DNA2: variants seen among roughly 807,000 people sequenced by gnomAD.
The protein encoded by DNA2 is DNA replication helicase/nuclease 2.
In DNA2, 101 loss-of-function variants were observed where a neutral mutation model predicts 119.1. The observed-to-expected ratio is 0.85, with a 90% CI of 0.72 to 1.00. DNA2 has a LOEUF of 1.00. DNA2 is among the 50% of genes least tolerant of loss of function. DNA2 has a pLI of 0.00. For synonymous variants in DNA2, 366 were observed against 424.4 expected (o/e 0.86, Z 1.69); for missense variants, 1,121 against 1,255.5 (o/e 0.89, Z 1.62).
chr10:68,428,665 A>G (rs1231818644), intron 14 of DNA2, among the ~76,000 whole-genome samples: 1 of 152,230 alleles, frequency 6.6e-6, no homozygotes, highest in African/African-American at 2.4e-5. Context: ...ATTAATACGT[A>G]CAACTATCTG....
chr10:68,444,038 C>T (rs754625680), intron 8 of DNA2, among the ~76,000 whole-genome samples: 3 of 151,966 alleles, frequency 2.0e-5, no homozygotes, highest in Non-Finnish European at 4.4e-5. Context: ...AGGCAGATCA[C>T]TTGAGGTCAG....
intron 3 of DNA2, among the ~76,000 whole-genome samples, chr10:68,466,854 C>T (rs1350841354): frequency 1.3e-5 from 2 of 152,106 alleles, no homozygotes; most frequent in Non-Finnish European, 2.9e-5. Context: ...GCTGGGATTA[C>T]AGGCGTGAGC....
chr10:68,464,315 C>G (rs2052298317), intron 4 of DNA2, among the ~76,000 whole-genome samples: 2 of 151,786 alleles, frequency 1.3e-5, no homozygotes, highest in African/African-American at 4.8e-5. Flanking sequence ...TAGTACAAAA[C>G]CAGCCTGGCC....
intron 14 of DNA2, among the ~76,000 whole-genome samples, chr10:68,427,569 AG>A (rs1396768528): frequency 6.6e-6 from 1 of 151,592 alleles, no homozygotes; most frequent in East Asian, 1.9e-4. Context: ...AGATCACTTG[AG>A]CCCAGAAGGT....
chr10:68,447,845 G>T (rs187417786), intron 6 of DNA2, among the ~76,000 whole-genome samples: 2 of 151,592 alleles, frequency 1.3e-5, no homozygotes, highest in Admixed American at 6.6e-5. Flanking sequence ...TTAGCCGGGC[G>T]TGGTGGTGGG....
chr10:68,417,752 G>A (rs2051611089), intron 19 of DNA2, among the ~76,000 whole-genome samples: 1 of 152,234 alleles, frequency 6.6e-6, no homozygotes, highest in South Asian at 2.1e-4. Flanking sequence ...CAGCCAAGGG[G>A]TGGAAGCAAC....
intron 17 of DNA2, among the ~76,000 whole-genome samples, chr10:68,420,408 G>A (rs542770416): frequency 1.3e-5 from 2 of 152,234 alleles, no homozygotes; most frequent in South Asian, 2.1e-4. Context: ...GTGGTGGTGC[G>A]TGCCTGTAAT....
intron 6 of DNA2, among the ~76,000 whole-genome samples, chr10:68,447,633 G>A (rs563429313): frequency 1.3e-5 from 2 of 151,666 alleles, no homozygotes; most frequent in Admixed American, 6.6e-5. Flanking sequence ...AGGCTGCAGT[G>A]AGCCAAGACC....
At chr10:68,466,783 G>A (rs964970626) in intron 3 of DNA2, among the ~76,000 whole-genome samples, 1 of 152,118 alleles carries the variant, frequency 6.6e-6, no homozygotes, top group Non-Finnish European at 1.5e-5. Context: ...GTTTGACCAT[G>A]TCAGCCAGGA....
chr10:68,470,260 T>C, intron 1 of DNA2, 97 bp from the exon 2 acceptor site: 2 of 1,132,610 alleles, frequency 1.8e-6, no homozygotes, highest in South Asian at 2.0e-5. Flanking sequence ...GTTTTCTAGG[T>C]TTCTTTCTTC....
chr10:68,456,621 C>T (rs1453112875), intron 5 of DNA2, among the ~76,000 whole-genome samples: 1 of 151,968 alleles, frequency 6.6e-6, no homozygotes. Context: ...ACCATGTTGG[C>T]CAGGCTGGTC....
At chr10:68,418,404 G>C (rs1425708789) in intron 19 of DNA2, among the ~76,000 whole-genome samples, 1 of 136,998 alleles carries the variant, frequency 7.3e-6, no homozygotes, top group African/African-American at 2.7e-5. Context: ...AAGAGGAAAC[G>C]CCGTCTCAAA....
Position 68,459,183 on chromosome 10 carries a change from G to A in DNA2, c.640C>T (p.Leu214Phe). 1.9e-6 allele frequency: 3 copies of A among 1,577,738 alleles called. No individual in the cohort carries two copies. The highest frequency in any genetic ancestry group is 2.6e-6 in the Non-Finnish European group (3 of 1,160,452). Residue 214 changes from leucine to phenylalanine, a missense_variant, in exon 5 of 21, where the codon CTT (leucine) becomes TTT (phenylalanine). Coordinates refer to ENST00000358410, the MANE Select transcript of DNA2 (RefSeq NM_001080449.3). The part of the protein sequence containing the change: ...DEIKQEVEDY[L>F]PSFCKWAGDF... ...CCTGCCCATTTACAAAACGAAGGAA[G>A]ATAGTCCTCTACTTCTTGTTTTATT... is the stretch of plus-strand genomic sequence containing the variant.
At chr10:68,472,044 G>A (rs907947986), upstream of DNA2, 39 of 1,603,678 alleles carry the variant, frequency 2.4e-5, no homozygotes, top group Non-Finnish European at 3.2e-5. Flanking sequence ...TTCCACGTGG[G>A]GCCCCTCACC....
upstream of DNA2, chr10:68,471,989 T>A (rs764838833): frequency 1.2e-6 from 2 of 1,611,162 alleles, no homozygotes; most frequent in Admixed American, 1.7e-5. Context: ...AACCCGCAGA[T>A]GTCCCAAATG....
At chr10:68,471,535 C>T (rs1376181577) in intron 1 of DNA2, among the ~76,000 whole-genome samples, 6 of 152,112 alleles carry the variant, frequency 3.9e-5, no homozygotes, top group Non-Finnish European at 8.8e-5. Context: ...AACTCCTCAA[C>T]TTAGGGAGAG....
chr10:68,432,144 C>T (rs753314834), intron 12 of DNA2, 62 bp downstream of exon 12: 48 of 1,225,266 alleles, frequency 3.9e-5, no homozygotes, highest in Non-Finnish European at 5.5e-5. Context: ...TATTAGACTA[C>T]AGTATAAATC....
intron 2 of DNA2, 23 bp from the exon 3 acceptor site, chr10:68,468,329 G>A (rs2052350341): frequency 6.7e-7 from 1 of 1,482,708 alleles, no homozygotes; most frequent in African/African-American, 1.4e-5. Flanking sequence ...CAAAGTTAAA[G>A]TATAAATACA....
intron 4 of DNA2, among the ~76,000 whole-genome samples, chr10:68,465,018 AT>A (rs200815175): frequency 0.12 from 15,550 of 126,724 alleles, 1,028 homozygotes; most frequent in South Asian, 0.27. Flanking sequence ...GTAAAGCTGC[AT>A]TTTTTTTTTT....
Sources: allele counts gnomAD v4.1 joint callset (sites outside exome capture counted in the v4.1 genomes callset), GRCh38; gene constraint gnomAD v4.1.1; transcripts MANE v1.5; gene names NCBI Gene and HGNC (gene_info 2026-07-23, HGNC 2026-07-21).